The following MTUS2 variants were observed in gnomAD, a reference collection of about 807,000 sequenced individuals.
The protein encoded by MTUS2 is microtubule-associated tumor suppressor candidate 2.
MTUS2 carries 40 observed loss-of-function variants against 114.1 expected under a neutral mutation model. The observed-to-expected ratio is 0.35, with a 90% CI of 0.27 to 0.46. The LOEUF (loss-of-function observed/expected upper bound fraction) is 0.46. Ranked by LOEUF, MTUS2 falls within the 20% of genes least tolerant of loss-of-function variation. The probability of loss-of-function intolerance (pLI) is 1.00; values close to 1 mark genes in which losing one functional copy is unlikely to be tolerated. For missense variants in MTUS2, 1,679 were observed against 1,705.4 expected, an observed-to-expected ratio of 0.98 and a Z score of 0.27; for synonymous variants, 688 against 672.0, an observed-to-expected ratio of 1.02 and a Z score of -0.37.
intron 2 of MTUS2, among the ~76,000 whole-genome samples, chr13:28,876,465 TCTC>T (rs1298918091): frequency 6.6e-6 from 1 of 152,168 alleles, no homozygotes; most frequent in African/African-American, 2.4e-5. Context: ...CTGGCTCTCT[TCTC>T]CACATCCCCA....
intron 9 of MTUS2, among the ~76,000 whole-genome samples, chr13:29,450,634 G>C (rs1878617759): frequency 6.6e-6 from 1 of 152,116 alleles, no homozygotes. Flanking sequence ...CTAAAAGACA[G>C]AGTTTGTCAG....
chr13:28,910,084 C>A (rs1440398333), intron 2 of MTUS2, among the ~76,000 whole-genome samples: 1 of 152,016 alleles, frequency 6.6e-6, no homozygotes, highest in Non-Finnish European at 1.5e-5. Context: ...CTATTACTGA[C>A]TGTAGTCTGT....
At chr13:28,891,263 T>G (rs1279481892) in intron 2 of MTUS2, among the ~76,000 whole-genome samples, 1 of 152,228 alleles carries the variant, frequency 6.6e-6, no homozygotes, top group Non-Finnish European at 1.5e-5. Context: ...ATCCAGCCAG[T>G]ATCCCTGTAA....
At chr13:29,130,221 C>T (rs1891699280) in intron 5 of MTUS2, among the ~76,000 whole-genome samples, 1 of 152,178 alleles carries the variant, frequency 6.6e-6, no homozygotes, top group African/African-American at 2.4e-5. Context: ...TTTCTCTCCA[C>T]TCCAAAATCT....
chr13:29,290,275 G>T (rs1044602119), intron 6 of MTUS2, among the ~76,000 whole-genome samples: 1 of 152,122 alleles, frequency 6.6e-6, no homozygotes, highest in South Asian at 2.1e-4. Flanking sequence ...AAAACAGGCT[G>T]CATCTTGGTT....
chr13:29,217,552 G>A (rs1483990003), intron 5 of MTUS2, among the ~76,000 whole-genome samples: 2 of 152,170 alleles, frequency 1.3e-5, no homozygotes, highest in African/African-American at 4.8e-5. Context: ...CCTTCAGCAA[G>A]TCATAATTTT....
intron 7 of MTUS2, among the ~76,000 whole-genome samples, chr13:29,355,228 C>A (rs1869640434): frequency 6.6e-6 from 1 of 152,198 alleles, no homozygotes; most frequent in African/African-American, 2.4e-5. Context: ...GCACGCAACG[C>A]CTAGCCTTTG....
At chr13:28,820,234 T>C (rs1267100517), upstream of MTUS2, 1 of 145,912 alleles carries the variant, frequency 6.9e-6, no homozygotes, top group Non-Finnish European at 1.5e-5. Flanking sequence ...GGTCCCCGGC[T>C]GCGCCCCGGC....
At chr13:29,381,915 A>G (rs1475943227) in intron 8 of MTUS2, among the ~76,000 whole-genome samples, 11 of 152,214 alleles carry the variant, frequency 7.2e-5, no homozygotes, top group African/African-American at 2.7e-4. Flanking sequence ...AAAGTTGGAA[A>G]TACTCTATCA....
chr13:29,022,199 G>C (rs1377995402), intron 2 of MTUS2, among the ~76,000 whole-genome samples: 1 of 152,132 alleles, frequency 6.6e-6, no homozygotes, highest in Non-Finnish European at 1.5e-5. Context: ...TATAGGAAAT[G>C]ATCTTATGTA....
intron 8 of MTUS2, among the ~76,000 whole-genome samples, chr13:29,363,497 T>C (rs1870441205): frequency 1.3e-5 from 2 of 152,208 alleles, no homozygotes; most frequent in Non-Finnish European, 2.9e-5. Context: ...CCAACCTCCT[T>C]CTTCTCAGAG....
intron 2 of MTUS2, among the ~76,000 whole-genome samples, chr13:28,849,300 T>G (rs1258312696): frequency 6.6e-6 from 1 of 152,100 alleles, no homozygotes; most frequent in Non-Finnish European, 1.5e-5. Flanking sequence ...AAGTGTTAGG[T>G]CAGTAAAAAT....
rs113222982 is a variant in MTUS2 at position 29,414,536 on chromosome 13, G to C, written c.3118-25447G>C. On this transcript the variant is annotated intron_variant, in intron 8 of 15. Transcript: ENST00000612955. ...GCCCTGATGTTTTTTGTATGCAATA[G>C]TTGTTTAATAATTGTTTTTGTATAT... 8.4e-3 allele frequency among the ~76,000 whole-genome samples: 1,246 copies of C among 149,132 alleles called. 26 individuals are homozygous for C. The highest frequency in any genetic ancestry group is 0.029 in the African/African-American group (1,197 of 40,700).
Position 29,026,002 on chromosome 13 carries a change from G to A in MTUS2, c.1304G>A (p.Ser435Asn), listed in dbSNP as rs1337353597. The A allele has an allele frequency of 6.2e-7, 1 of 1,614,024 alleles. No individual in the cohort carries two copies. The highest frequency in any genetic ancestry group is 8.5e-7 in the Non-Finnish European group (1 of 1,179,884). The change falls in exon 3 of 16, where the codon AGT becomes AAT. Residue 435 changes from serine (S) to asparagine (N), a missense_variant. Ser to Asn is a conservative substitution (Grantham distance 46). Transcript: ENST00000612955. ...TCCAGCAGCTTTTCACCAGGTGACAGTCATGTGGCTTTTATTCCTAATAAT... is the reference window on the plus strand; with the variant it reads ...TCCAGCAGCTTTTCACCAGGTGACAATCATGTGGCTTTTATTCCTAATAAT... ...RTSSSFSPGD[S>N]HVAFIPNNLT...
chr13:28,908,060 C>T (rs1383078457), intron 2 of MTUS2, among the ~76,000 whole-genome samples: 1 of 151,502 alleles, frequency 6.6e-6, no homozygotes, highest in Admixed American at 6.6e-5. Context: ...GGGTTTATCC[C>T]ATTTGGAATC....
At chr13:29,131,749 C>T (rs1009547157) in intron 5 of MTUS2, among the ~76,000 whole-genome samples, 1 of 152,206 alleles carries the variant, frequency 6.6e-6, no homozygotes, top group African/African-American at 2.4e-5. Context: ...TGGCTTTAAA[C>T]AATGTTTAGT....
chr13:29,061,122 G>A (rs1888399463), intron 4 of MTUS2, among the ~76,000 whole-genome samples: 1 of 152,042 alleles, frequency 6.6e-6, no homozygotes, highest in Admixed American at 6.6e-5. Context: ...AATTTTGATT[G>A]GATGTTGGAC....
At chr13:29,130,969 C>T (rs1170937746) in intron 5 of MTUS2, among the ~76,000 whole-genome samples, 2 of 152,206 alleles carry the variant, frequency 1.3e-5, no homozygotes, top group Non-Finnish European at 2.9e-5. Flanking sequence ...TCATCTCCCT[C>T]TGCTCCAGGA....
chr13:29,497,797 T>C (rs906385041), intron 13 of MTUS2: 2 of 177,026 alleles, frequency 1.1e-5, no homozygotes, highest in Non-Finnish European at 2.4e-5. Flanking sequence ...GGACACCCAG[T>C]TAAACTTGAA....
Sources: allele counts gnomAD v4.1 joint callset (sites outside exome capture counted in the v4.1 genomes callset), GRCh38; gene constraint gnomAD v4.1.1; transcripts MANE v1.5; gene names NCBI Gene and HGNC (gene_info 2026-07-23, HGNC 2026-07-21).